Variants in MACROD2 observed in about 807,000 individuals in gnomAD.
MACROD2 encodes the protein mono-ADP ribosylhydrolase 2.
MACROD2 carries 36 observed loss-of-function variants against 70.4 expected under a neutral mutation model. The ratio of observed to expected loss-of-function variants is 0.51; its 90% CI spans 0.39 to 0.68. The LOEUF (loss-of-function observed/expected upper bound fraction) is 0.68, where lower values mean the gene tolerates loss of function less well. MACROD2 is among the 30% of genes least tolerant of loss of function. The pLI, the probability that MACROD2 is intolerant of heterozygous loss-of-function variation, is 0.00. For synonymous variants in MACROD2, 172 were observed against 178.8 expected, an observed-to-expected ratio of 0.96 and a Z score of 0.30; for missense variants, 496 against 538.4, an observed-to-expected ratio of 0.92 and a Z score of 0.78.
intron 5 of MACROD2, among the ~76,000 whole-genome samples, chr20:14,761,366 T>C (rs781031384): frequency 2.0e-5 from 3 of 152,118 alleles, no homozygotes; most frequent in African/African-American, 4.8e-5. Context: ...TGTACATTAT[T>C]AATATTTGAG....
intron 5 of MACROD2, among the ~76,000 whole-genome samples, chr20:14,787,172 A>G (rs376051911): frequency 1.3e-5 from 2 of 152,164 alleles, no homozygotes; most frequent in African/African-American, 4.8e-5. Context: ...TTAAATGCCT[A>G]TTAAAGAGAT....
chr20:15,116,695 ATCT>A (rs1397914905), intron 5 of MACROD2, among the ~76,000 whole-genome samples: 1 of 152,164 alleles, frequency 6.6e-6, no homozygotes, highest in East Asian at 1.9e-4. Flanking sequence ...TCTTAATAAC[ATCT>A]TCTTTTATCT....
At chr20:15,253,436 A>T (rs2146031049) in intron 6 of MACROD2, among the ~76,000 whole-genome samples, 1 of 152,346 alleles carries the variant, frequency 6.6e-6, no homozygotes, top group East Asian at 1.9e-4. Context: ...GCAACTACAC[A>T]GTTCCAAGAT....
chr20:14,692,528 A>G (rs1271450836), intron 5 of MACROD2, among the ~76,000 whole-genome samples: 2 of 152,218 alleles, frequency 1.3e-5, no homozygotes, highest in African/African-American at 2.4e-5. Context: ...AGTACCCAGA[A>G]CAGAGTTGGC....
At chr20:14,196,375 T>C (rs2081432585) in intron 3 of MACROD2, among the ~76,000 whole-genome samples, 1 of 152,228 alleles carries the variant, frequency 6.6e-6, no homozygotes, top group South Asian at 2.1e-4. Context: ...TCCATTAGAC[T>C]GTCAGCCATT....
chr20:14,810,028 A>T (rs141909600), intron 5 of MACROD2, among the ~76,000 whole-genome samples: 26 of 152,242 alleles, frequency 1.7e-4, no homozygotes, highest in African/African-American at 6.3e-4. Context: ...AGCCGGTACC[A>T]TTCCTTCTGA....
At chr20:15,228,487 C>CTTTTTTTTTTT (rs527508760) in intron 5 of MACROD2, among the ~76,000 whole-genome samples, 6 of 117,984 alleles carry the variant, frequency 5.1e-5, no homozygotes, top group Non-Finnish European at 8.5e-5. Context: ...TTCCTTCTTT[C>CTTTTTTTTTTT]TTTTTTTTTT....
intron 4 of MACROD2, among the ~76,000 whole-genome samples, chr20:14,551,035 A>G (rs750338088): frequency 2.3e-4 from 35 of 152,238 alleles, no homozygotes; most frequent in Admixed American, 1.4e-3. Context: ...GAGGGAAATT[A>G]TGATTTTTTT....
intron 8 of MACROD2, among the ~76,000 whole-genome samples, chr20:15,638,009 G>A (rs1366610204): frequency 6.6e-6 from 1 of 151,912 alleles, no homozygotes; most frequent in African/African-American, 2.4e-5. Context: ...TTTAGTGAGA[G>A]AAAATGACAG....
chr20:14,814,196 G>T (rs973724587), intron 5 of MACROD2, among the ~76,000 whole-genome samples: 1 of 152,042 alleles, frequency 6.6e-6, no homozygotes, highest in African/African-American at 2.4e-5. Flanking sequence ...TTCCAAATCA[G>T]TGCTGTTTCG....
chr20:15,869,234 T>TAGAGAGAGAGAG (rs1198181652), intron 9 of MACROD2, among the ~76,000 whole-genome samples: 20 of 31,682 alleles, frequency 6.3e-4, no homozygotes, highest in East Asian at 2.2e-3. Context: ...TATATATATA[T>TAGAGAGAGAGAG]ATATAGAGAG....
At chr20:14,395,096 TAGGATA>T (rs2083567736) in intron 3 of MACROD2, among the ~76,000 whole-genome samples, 1 of 152,110 alleles carries the variant, frequency 6.6e-6, no homozygotes, top group Admixed American at 6.6e-5. Flanking sequence ...GTTGATCTCA[TAGGATA>T]CGTCAGGAAG....
In MACROD2 at chr20:15,335,686, A is replaced by G. The variant is rs145582694; in HGVS notation, c.541-95719A>G. Among the ~76,000 whole-genome samples, 103 of 151,862 alleles carry G rather than the reference A, an allele frequency of 6.8e-4. 4 individuals carry two copies. Among genetic ancestry groups the G allele is most frequent in the African/African-American group, 2.4e-3 (97 of 41,172 alleles). On this transcript the variant is annotated intron_variant, in intron 6 of 17. Transcript: ENST00000684519. ...TAATGATTAATTTCAGATACCCTGC[A>G]TCATAATTTTCTTGAAATATGTAAA...
At chr20:15,679,294 G>T (rs1038898891) in intron 8 of MACROD2, among the ~76,000 whole-genome samples, 5 of 151,578 alleles carry the variant, frequency 3.3e-5, no homozygotes, top group Non-Finnish European at 7.4e-5. Context: ...GCTTCCACAT[G>T]CCACTGAGCA....
At chr20:15,617,528 T>C (rs1383705818) in intron 8 of MACROD2, among the ~76,000 whole-genome samples, 1 of 152,254 alleles carries the variant, frequency 6.6e-6, no homozygotes, top group African/African-American at 2.4e-5. Flanking sequence ...TCAGTTGAAC[T>C]GATAAATATG....
intron 5 of MACROD2, among the ~76,000 whole-genome samples, chr20:15,165,254 G>C (rs561925151): frequency 1.2e-4 from 18 of 152,246 alleles, no homozygotes; most frequent in Admixed American, 3.9e-4. Flanking sequence ...TCAGGAGTTC[G>C]AGACCAGCCT....
Position 15,886,487 on chromosome 20 carries a change from C to G in MACROD2, c.775+676C>G, listed in dbSNP as rs530959069. ...AAGAGGAAATGAAAATGAACTCAATCTGTTTTGGGGAGTGGTTCTATAGAG... is the reference window on the plus strand; with the variant it reads ...AAGAGGAAATGAAAATGAACTCAATGTGTTTTGGGGAGTGGTTCTATAGAG... On this transcript the variant is annotated intron_variant, in intron 10 of 17. Coordinates refer to ENST00000684519, the MANE Select transcript of MACROD2 (RefSeq NM_001351661.2). Among the ~76,000 whole-genome samples the G allele has an allele frequency of 9.2e-5, 14 of 152,268 alleles. No homozygotes were observed. In the South Asian group the frequency reaches 2.7e-3, roughly 29 times the overall value.
intron 5 of MACROD2, among the ~76,000 whole-genome samples, chr20:15,087,165 T>C (rs1438054818): frequency 6.6e-6 from 1 of 152,116 alleles, no homozygotes; most frequent in Non-Finnish European, 1.5e-5. Context: ...GACACTTTTA[T>C]ATTGAGAATG....
chr20:15,145,265 T>C (rs2076222124), intron 5 of MACROD2, among the ~76,000 whole-genome samples: 1 of 152,162 alleles, frequency 6.6e-6, no homozygotes, highest in African/African-American at 2.4e-5. Context: ...ATTATAGCCA[T>C]AGATGTAAGT....
Sources: allele counts gnomAD v4.1 joint callset (sites outside exome capture counted in the v4.1 genomes callset), GRCh38; gene constraint gnomAD v4.1.1; transcripts MANE v1.5; gene names NCBI Gene and HGNC (gene_info 2026-07-23, HGNC 2026-07-21).